Variants in SHROOM4 observed in about 807,000 individuals in gnomAD.
SHROOM4 encodes the protein protein Shroom4.
Under a neutral mutation model 80.3 loss-of-function variants are expected in SHROOM4, and 17 were observed. The ratio of observed to expected loss-of-function variants is 0.21; its 90% CI spans 0.14 to 0.32. SHROOM4 has a LOEUF of 0.32. Ranked by LOEUF, SHROOM4 falls within the 10% of genes least tolerant of loss-of-function variation. The pLI is 1.00. For synonymous variants in SHROOM4, 400 were observed against 437.5 expected (o/e 0.91, Z 1.07); for missense variants, 993 against 1,140.3 (o/e 0.87, Z 1.86).
rs910001765 is a variant in SHROOM4, at chrX:50,775,554, G to A, written c.117+38348C>T. ...GGCTTCGATATGGAAAGCCCTTAAC[G>A]CCCACCCAAGTGACCAAGAGGTGGG... On this transcript the variant is annotated intron_variant, in intron 1 of 8. Transcript: ENST00000376020. Among the ~76,000 whole-genome samples the A allele has an allele frequency of 2.7e-5, 3 of 111,647 alleles. No homozygotes were observed. The Admixed American group carries it at 2.8e-4, about 11-fold the overall frequency.
At chrX:50,801,715 C>T (rs1557272616) in intron 1 of SHROOM4, among the ~76,000 whole-genome samples, 1 of 111,806 alleles carries the variant, frequency 8.9e-6, no homozygotes, top group African/African-American at 3.3e-5. Context: ...CCAGGGCTCA[C>T]GCAACAGAGG....
At chrX:50,792,409 G>A (rs1205467349) in intron 1 of SHROOM4, among the ~76,000 whole-genome samples, 1 of 110,308 alleles carries the variant, frequency 9.1e-6, no homozygotes, top group Non-Finnish European at 1.9e-5. Context: ...GGGAGGCTGA[G>A]GCAGGAGAAT....
rs193209447 is a variant in SHROOM4 at position 50,719,635 on chromosome X, T to C, written c.118-23698A>G. ...TTTCTTCTCCCCGCCTAGCACAAGA[T>C]TTGGCACATAAGGGAACACTTACTA... On this transcript the variant is annotated intron_variant, in intron 1 of 8. Transcript: ENST00000376020. Among the ~76,000 whole-genome samples, 349 of 112,469 alleles carry C rather than the reference T, an allele frequency of 3.1e-3. 3 individuals are homozygous for C. Among genetic ancestry groups the C allele is most frequent in the Non-Finnish European group, 1.3e-3 (68 of 53,326 alleles).
intron 1 of SHROOM4, among the ~76,000 whole-genome samples, chrX:50,705,370 A>G (rs1933640361): frequency 8.9e-6 from 1 of 111,935 alleles, no homozygotes; most frequent in Non-Finnish European, 1.9e-5. Context: ...AGTTGAGAAG[A>G]AAATGCAGGA....
downstream of SHROOM4, among the ~76,000 whole-genome samples, chrX:50,582,073 T>C (rs1447889199): frequency 4.5e-5 from 5 of 112,166 alleles, no homozygotes; most frequent in African/African-American, 1.6e-4. Flanking sequence ...CAATAGAATA[T>C]GGCAAAGGTG....
chrX:50,647,428 A>G (rs1318806147), intron 2 of SHROOM4, among the ~76,000 whole-genome samples: 1 of 111,491 alleles, frequency 9.0e-6, no homozygotes, highest in African/African-American at 3.3e-5. Context: ...GGAAAATGGC[A>G]TCAAGTTCAC....
rs782127144 is a variant in SHROOM4, at chrX:50,791,577, C to CTTT, written c.117+22322_117+22324dup. ...TACAGGCATGTGCTACCATGCCTGA[C>CTTT]TTTTTTTTTTTTTTTTTTTTTTTTT... On this transcript the variant is annotated intron_variant, in intron 1 of 8. Coordinates refer to ENST00000376020, the MANE Select transcript of SHROOM4 (RefSeq NM_020717.5). Among the ~76,000 whole-genome samples the CTTT allele has an allele frequency of 1.3e-3, 75 of 57,977 alleles. 1 individual carries two copies. The highest frequency in any genetic ancestry group is 4.2e-3 in the African/African-American group (47 of 11,173). 50.3% of individuals were successfully genotyped at this position (57,977 alleles called of 115,157 possible). A position where few individuals can be genotyped will look rare whatever the true frequency, so the allele number is the denominator to read the frequency against.
intron 1 of SHROOM4, among the ~76,000 whole-genome samples, chrX:50,757,520 CA>C (rs1489861512): frequency 1.8e-5 from 2 of 111,592 alleles, no homozygotes; most frequent in Non-Finnish European, 3.8e-5. Context: ...TTTTCTGAAA[CA>C]AAAAAGTCAT....
chrX:50,773,204 C>T (rs1339773794), intron 1 of SHROOM4, among the ~76,000 whole-genome samples: 2 of 112,022 alleles, frequency 1.8e-5, no homozygotes, highest in East Asian at 5.6e-4. Flanking sequence ...TTATTAAATC[C>T]TCACTGGTAG....
intron 5 of SHROOM4, among the ~76,000 whole-genome samples, chrX:50,608,415 C>T (rs781972035): frequency 9.0e-6 from 1 of 111,597 alleles, no homozygotes; most frequent in East Asian, 2.8e-4. Flanking sequence ...TTATCTAATC[C>T]TCACAATAAC....
chrX:50,607,818 G>C lies in SHROOM4; in HGVS notation c.3324C>G (p.Asn1108Lys), dbSNP rs782191306. The change falls in exon 6 of 9, where the codon AAC becomes AAG. Residue 1108 changes from asparagine to lysine, a missense_variant. Transcript: ENST00000376020. ...CACGAAAGAGCCTGTACTTCTCCCA[G>C]TTGGGAGGAGGAGGGCGAGGAGGAG... The part of the protein sequence containing the change: ...AFPPPRPPPP[N>K]WEKYRLFRAA... The C allele has an allele frequency of 2.4e-5, 29 of 1,209,807 alleles. No individual in the cohort carries two copies. Among genetic ancestry groups the C allele is most frequent in the Non-Finnish European group, 3.2e-5 (29 of 894,418 alleles).
Position 50,593,356 on chromosome X carries a change from C to A in SHROOM4, c.*3339G>T, listed in dbSNP as rs905056171. 2 of 111,089 alleles carry A rather than the reference C, an allele frequency of 1.8e-5. No individual in the cohort carries two copies. The highest frequency in any genetic ancestry group is 9.6e-5 in the Admixed American group (1 of 10,382). The allele number at this position is 111,089 out of a possible 1,213,427, so 9.2% of individuals were successfully genotyped here. On this transcript the variant is annotated 3_prime_UTR_variant, in exon 9 of 9. Transcript: ENST00000376020. The stretch of plus-strand genomic sequence containing the variant: ...TTAGCACCTTTTATTGAAATATGAC[C>A]CTTGATGACAATCTGGCAGGCATAT...
intron 5 of SHROOM4, among the ~76,000 whole-genome samples, chrX:50,613,128 CT>C (rs1177594771): frequency 2.7e-5 from 3 of 110,666 alleles, no homozygotes; most frequent in Non-Finnish European, 3.8e-5. Flanking sequence ...TCATCAGAAA[CT>C]TTTTTTTTGA....
chrX:50,727,553 TAGTG>T (rs1443109692), intron 1 of SHROOM4, among the ~76,000 whole-genome samples: 1 of 111,643 alleles, frequency 9.0e-6, no homozygotes, highest in African/African-American at 3.3e-5. Flanking sequence ...TTTCTCATGA[TAGTG>T]AGTGAGTTCT....
intron 1 of SHROOM4, among the ~76,000 whole-genome samples, chrX:50,727,280 G>T (rs1299269338): frequency 8.9e-6 from 1 of 112,538 alleles, no homozygotes; most frequent in African/African-American, 3.2e-5. Context: ...ATAGGCAGAG[G>T]GAACTTGCCT....
chrX:50,698,059 A>T (rs1557263226), intron 1 of SHROOM4, among the ~76,000 whole-genome samples: 1 of 112,448 alleles, frequency 8.9e-6, no homozygotes, highest in East Asian at 2.8e-4. Flanking sequence ...CAACTTAATT[A>T]TCCATATTAC....
At chrX:50,663,484 C>CA (rs1932581704) in intron 2 of SHROOM4, among the ~76,000 whole-genome samples, 1 of 109,900 alleles carries the variant, frequency 9.1e-6, no homozygotes, top group African/African-American at 3.3e-5. Flanking sequence ...CAACCCACAC[C>CA]AATTTTCCAC....
At chrX:50,699,611 T>C (rs782341536) in intron 1 of SHROOM4, among the ~76,000 whole-genome samples, 2 of 112,237 alleles carry the variant, frequency 1.8e-5, no homozygotes, top group African/African-American at 6.5e-5. Flanking sequence ...TCCACCAAGG[T>C]TGGAACACTT....
Position 50,596,967 on chromosome X carries a change from G to C in SHROOM4, c.4213-3C>G, listed in dbSNP as rs1929143515. ...TGCTTCTTCTCTATCAGTACCAACT[G>C]GGGAAGCAGAGGACCAAGTAAGGGC... On this transcript the variant is annotated splice_polypyrimidine_tract_variant and splice_region_variant and intron_variant, in intron 8 of 8. Transcript: ENST00000376020. 1 of 1,206,854 alleles carries C rather than the reference G, an allele frequency of 8.3e-7. No individual in the cohort carries two copies. The highest frequency in any genetic ancestry group is 1.7e-5 in the African/African-American group (1 of 57,280).
Sources: gnomAD v4.1 joint callset for allele counts (sites outside exome capture counted in the v4.1 genomes callset) on GRCh38, gnomAD v4.1.1 for gene constraint, MANE v1.5 for transcripts, NCBI Gene and HGNC (gene_info 2026-07-23, HGNC 2026-07-21) for gene names.